The following SET variants were observed in gnomAD, a reference collection of about 807,000 sequenced individuals.
SET encodes protein SET.
Under a neutral mutation model 39.0 loss-of-function variants are expected in SET, and 4 were observed. The ratio of observed to expected loss-of-function variants is 0.10; its 90% confidence interval spans 0.05 to 0.23. The LOEUF is 0.23. SET is among the 10% of genes least tolerant of loss of function. The pLI is 1.00. For missense variants in SET, 137 were observed against 329.7 expected, an observed-to-expected ratio of 0.42 and a Z score of 4.53; for synonymous variants, 114 against 115.9, an observed-to-expected ratio of 0.98 and a Z score of 0.11.
At chr9:128,683,714 G>T in exon 1 of SET, 1 of 520,122 alleles carries the variant, frequency 1.9e-6, no homozygotes, top group Non-Finnish European at 3.4e-6. Flanking sequence ...TTGGAGGGTG[G>T]GTGGGATGAG....
upstream of SET, among the ~76,000 whole-genome samples, chr9:128,688,099 T>C (rs984650041): frequency 6.6e-6 from 1 of 151,912 alleles, no homozygotes; most frequent in Admixed American, 6.6e-5. Context: ...TAGCCCCAGC[T>C]ACTCGGGAGG....
At chr9:128,683,953 C>T in exon 1 of SET, 1 of 1,557,694 alleles carries the variant, frequency 6.4e-7, no homozygotes. Flanking sequence ...AAGACCACCT[C>T]CTGCTCTGGG....
In SET at chr9:128,689,296, CGAGT is replaced by C; in HGVS notation, c.-283_-280del. The C allele has an allele frequency of 9.8e-7, 1 of 1,020,026 alleles. No homozygotes were observed. The highest frequency in any genetic ancestry group is 1.2e-6 in the Non-Finnish European group (1 of 851,858). The allele number at this position is 1,020,026 out of a possible 1,614,324, so 63.2% of individuals were successfully genotyped here. On this transcript the variant is annotated 5_prime_UTR_variant, in exon 1 of 8. Transcript: ENST00000322030. ...AGCGAGCTGGCTGGATCGCCGAGCG[CGAGT>C]GAGGGAGCCGAGCCGCCCGCCGCCG...
chr9:128,696,142 A>G lies in SET; in HGVS notation c.*1478A>G, dbSNP rs1861731457. 4.6e-6 allele frequency: 1 copy of G among 217,056 alleles called. No homozygotes were observed. The highest frequency in any genetic ancestry group is 6.5e-5 in the East Asian group (1 of 15,346). 13.4% of individuals were successfully genotyped at this position (217,056 alleles called of 1,614,324 possible). On this transcript the variant is annotated 3_prime_UTR_variant, in exon 8 of 8. Transcript: ENST00000322030. The stretch of plus-strand genomic sequence containing the variant: ...AGCACCCTAATGCATAAGCTTTTTA[A>G]TGCTGTAAAATATAGTCGCTGAAAT...
chr9:128,694,634 C>T lies in SET; in HGVS notation c.811-7C>T. 1.3e-6 allele frequency: 2 copies of T among 1,572,164 alleles called. No individual in the cohort carries two copies. Among genetic ancestry groups the T allele is most frequent in the African/African-American group, 1.4e-5 (1 of 72,126 alleles). On this transcript the variant is annotated splice_region_variant and splice_polypyrimidine_tract_variant and intron_variant, in intron 7 of 7. Coordinates refer to ENST00000322030, the MANE Select transcript of SET (RefSeq NM_003011.4). ...CCTGAAGATTAACTGCCCACTTTTT[C>T]TTTCAGGAGGATGAAGGAGAAGATG...
upstream of SET, among the ~76,000 whole-genome samples, chr9:128,687,915 T>C (rs1287206818): frequency 6.6e-6 from 1 of 151,996 alleles, no homozygotes; most frequent in Admixed American, 6.6e-5. Context: ...AGCGTATCAC[T>C]AAAATCAACA....
chr9:128,692,472 G>T (rs948773414), intron 3 of SET, 190 bp from the exon 4 acceptor site: 2 of 476,290 alleles, frequency 4.2e-6, no homozygotes, highest in Non-Finnish European at 7.6e-6. Flanking sequence ...TTCTGTTTAG[G>T]AGAAGCTATA....
chr9:128,689,175 G>A (rs1861395505), upstream of SET: 7 of 774,748 alleles, frequency 9.0e-6, no homozygotes, highest in Non-Finnish European at 1.1e-5. Context: ...CCCGGCCGGA[G>A]GCGGAGCATC....
chr9:128,692,596 A>T (rs1861588070), intron 3 of SET, 66 bp from the exon 4 acceptor site: 2 of 1,073,544 alleles, frequency 1.9e-6, no homozygotes, highest in African/African-American at 1.6e-5. Flanking sequence ...TTTTAAAGGG[A>T]TCACTTAAAT....
Position 128,694,734 on chromosome 9 carries a change from C to CTTTTTTTTTTT in SET, c.*84_*94dup. The CTTTTTTTTTTT allele has an allele frequency of 3.6e-6, 1 of 274,176 alleles. No homozygotes were observed. The highest frequency in any genetic ancestry group is 9.1e-5 in the Admixed American group (1 of 11,026). 17.0% of individuals were successfully genotyped at this position (274,176 alleles called of 1,614,324 possible). ...CCAGTCCCTGGGAGCAAGTTGCAGT[C>CTTTTTTTTTTT]TTTTTTTTTTTTTTTTTTTTTTTTC... On this transcript the variant is annotated 3_prime_UTR_variant, in exon 8 of 8. Transcript: ENST00000322030.
rs570062884 is a variant in SET, at chr9:128,694,850, A to G, written c.*186A>G. On this transcript the variant is annotated 3_prime_UTR_variant, in exon 8 of 8. Coordinates refer to ENST00000322030, the MANE Select transcript of SET (RefSeq NM_003011.4). Reference sequence around the variant, plus strand: ...TGGGGGGAAATACCTTGAGCAGAATACAATGGGAAAAGAGTCTCTACCCCT... The same window carrying G: ...TGGGGGGAAATACCTTGAGCAGAATGCAATGGGAAAAGAGTCTCTACCCCT... 6.0e-4 allele frequency: 276 copies of G among 459,142 alleles called. No homozygotes were observed. Among genetic ancestry groups the G allele is most frequent in the Middle Eastern group, 2.8e-3 (5 of 1,788 alleles). The allele number at this position is 459,142 out of a possible 1,614,324, so 28.4% of individuals were successfully genotyped here.
chr9:128,695,852 C>T lies in SET; in HGVS notation c.*1188C>T, dbSNP rs1183265916. 5 of 227,924 alleles carry T rather than the reference C, an allele frequency of 2.2e-5. No individual in the cohort carries two copies. Among genetic ancestry groups the T allele is most frequent in the Non-Finnish European group, 4.4e-5 (5 of 114,210 alleles). The allele number at this position is 227,924 out of a possible 1,614,324, so 14.1% of individuals were successfully genotyped here. A position where few individuals can be genotyped will look rare whatever the true frequency, so the allele number is the denominator to read the frequency against. ...TCCAAGTGGCAGTTTTTAAAATTGG[C>T]CTTTTACCTGGATATAAATTAATTG... On this transcript the variant is annotated 3_prime_UTR_variant, in exon 8 of 8. Transcript: ENST00000322030.
rs10637043 is a variant in SET at position 128,694,106 on chromosome 9, G to GTATATA, written c.810+75_810+80dup. 899 of 1,000,840 alleles carry GTATATA rather than the reference G, an allele frequency of 9.0e-4. No homozygotes were observed. Among genetic ancestry groups the GTATATA allele is most frequent in the Middle Eastern group, 7.7e-3 (33 of 4,264 alleles). 62.0% of individuals were successfully genotyped at this position (1,000,840 alleles called of 1,614,324 possible). On this transcript the variant is annotated intron_variant, in intron 7 of 7. Coordinates refer to ENST00000322030, the MANE Select transcript of SET (RefSeq NM_003011.4). ...TAAAGAATTCATGTTATTTTGGGGTGTATATATATATATATAGTGTGGTAG... is the reference window on the plus strand; with the variant it reads ...TAAAGAATTCATGTTATTTTGGGGTGTATATATATATATATATATATAGTGTGGTAG...
chr9:128,691,241 T>C lies in SET; in HGVS notation c.131+14T>C. The stretch of plus-strand genomic sequence containing the variant: ...TGAAATAGACAGGTAACATTTTTCT[T>C]AATATACTTCGGAGAAATTTTCTGA... On this transcript the variant is annotated intron_variant, in intron 2 of 7. Coordinates refer to ENST00000322030, the MANE Select transcript of SET (RefSeq NM_003011.4). 6.4e-7 allele frequency: 1 copy of C among 1,554,362 alleles called. No individual in the cohort carries two copies. Among genetic ancestry groups the C allele is most frequent in the East Asian group, 2.2e-5 (1 of 44,530 alleles).
chr9:128,690,248 G>C (rs1861474679), intron 1 of SET: 1 of 153,062 alleles, frequency 6.5e-6, no homozygotes, highest in Non-Finnish European at 1.5e-5. Context: ...TCCCCACGTG[G>C]GGCGGCCGCC....
chr9:128,694,757 T>C lies in SET; in HGVS notation c.*93T>C, dbSNP rs982011545. The C allele has an allele frequency of 1.7e-5, 11 of 644,304 alleles. No homozygotes were observed. Among genetic ancestry groups the C allele is most frequent in the East Asian group, 1.2e-4 (4 of 33,560 alleles). 39.9% of individuals were successfully genotyped at this position (644,304 alleles called of 1,614,324 possible). On this transcript the variant is annotated 3_prime_UTR_variant, in exon 8 of 8. Transcript: ENST00000322030. ...GTCTTTTTTTTTTTTTTTTTTTTTT[T>C]TCCCTCTTGTGCTCAGTCGCCCTGT...
chr9:128,685,094 A>C, upstream of SET: 1 of 1,546,788 alleles, frequency 6.5e-7, no homozygotes, highest in Non-Finnish European at 8.7e-7. Context: ...AGAAGCACTG[A>C]GGAGGAGTCC....
At chr9:128,684,077 C>T (rs1861205562) in intron 1 of SET, 3 of 1,259,734 alleles carry the variant, frequency 2.4e-6, no homozygotes, top group Non-Finnish European at 3.4e-6. Flanking sequence ...GATTTTTACC[C>T]CCCAATCCCT....
At chr9:128,694,116 A>ATG (rs145643318) in intron 7 of SET, 74 bp downstream of exon 7, 2 of 1,323,844 alleles carry the variant, frequency 1.5e-6, no homozygotes, top group Non-Finnish European at 2.0e-6. Context: ...GTATATATAT[A>ATG]TATATAGTGT....
Sources: allele counts gnomAD v4.1 joint callset (sites outside exome capture counted in the v4.1 genomes callset), GRCh38; gene constraint gnomAD v4.1.1; transcripts MANE v1.5; gene names NCBI Gene and HGNC (gene_info 2026-07-23, HGNC 2026-07-21).